The following CD96 variants were observed in gnomAD, a reference collection of about 807,000 sequenced individuals.
CD96 encodes the protein T-cell surface protein tactile.
CD96 carries 70 observed loss-of-function variants against 71.3 expected under a neutral mutation model. The observed-to-expected ratio is 0.98, with a 90% CI of 0.81 to 1.20. The LOEUF (loss-of-function observed/expected upper bound fraction) is 1.20. CD96 is among the 50% of genes most tolerant of loss of function. CD96 has a pLI of 0.00. For synonymous variants in CD96, 248 were observed against 233.0 expected (o/e 1.06, Z -0.59); for missense variants, 742 against 677.5 (o/e 1.10, Z -1.06).
At chr3:111,593,793 C>G in intron 5 of CD96, 1 of 1,614,246 alleles carries the variant, frequency 6.2e-7, no homozygotes, top group Non-Finnish European at 8.5e-7. Flanking sequence ...CCCCAGTTAC[C>G]CTCAATGCCT....
chr3:111,625,811 A>C (rs953236464), intron 10 of CD96, among the ~76,000 whole-genome samples: 2 of 152,220 alleles, frequency 1.3e-5, no homozygotes, highest in African/African-American at 4.8e-5. Flanking sequence ...AAGTAAAACA[A>C]AAAGCAAGCT....
At chr3:111,577,968 G>T (rs908707764) in intron 3 of CD96, among the ~76,000 whole-genome samples, 4 of 152,192 alleles carry the variant, frequency 2.6e-5, no homozygotes, top group African/African-American at 7.2e-5. Context: ...GCCAGTAGAT[G>T]TCAGCCCTGG....
At chr3:111,607,662 A>ATGAACAATTCCT (rs1329099843) in intron 8 of CD96, among the ~76,000 whole-genome samples, 1 of 152,236 alleles carries the variant, frequency 6.6e-6, no homozygotes, top group Admixed American at 6.5e-5. Context: ...GTCAGTAGGA[A>ATGAACAATTCCT]TGAACAATTC....
rs145332036 is a variant in CD96, at chr3:111,593,565, G to A, written c.808-4555G>A. 14 of 1,530,498 alleles carry A rather than the reference G, an allele frequency of 9.1e-6. No homozygotes were observed. In the African/African-American group the frequency reaches 1.7e-4, roughly 18 times the overall value. The allele number at this position is 1,530,498 out of a possible 1,614,324, so 94.8% of individuals were successfully genotyped here. A position where few individuals can be genotyped will look rare whatever the true frequency, so the allele number is the denominator to read the frequency against. ...CCAATTTAAACAAAATGGAAGGGATGTACTGCTGCAGGCAGCTCTTTCTCC... is the reference window on the plus strand; with the variant it reads ...CCAATTTAAACAAAATGGAAGGGATATACTGCTGCAGGCAGCTCTTTCTCC... On this transcript the variant is annotated intron_variant, in intron 5 of 13. Transcript: ENST00000352690.
intron 6 of CD96, among the ~76,000 whole-genome samples, chr3:111,598,523 A>G (rs1004178751): frequency 6.6e-6 from 1 of 152,246 alleles, no homozygotes; most frequent in African/African-American, 2.4e-5. Context: ...TATATTTATT[A>G]AAACTTTTTC....
chr3:111,553,960 T>G (rs1934857311), intron 2 of CD96, among the ~76,000 whole-genome samples: 1 of 151,990 alleles, frequency 6.6e-6, no homozygotes, highest in Non-Finnish European at 1.5e-5. Flanking sequence ...TGCAGCATGT[T>G]TCTTATTTTT....
At chr3:111,544,918 T>C (rs1934308341) in intron 1 of CD96, 128 bp from the exon 2 acceptor site, 2 of 784,450 alleles carry the variant, frequency 2.5e-6, no homozygotes, top group Non-Finnish European at 4.5e-6. Flanking sequence ...CTCTACTCTA[T>C]TCCTAAAGCA....
intron 9 of CD96, 136 bp downstream of exon 9, chr3:111,623,958 G>A (rs539463107): frequency 1.4e-6 from 1 of 726,704 alleles, no homozygotes; most frequent in Admixed American, 2.0e-5. Context: ...CTTGGTTTTG[G>A]GTTACTCTGC....
At chr3:111,572,472 C>A (rs990216708) in intron 3 of CD96, among the ~76,000 whole-genome samples, 1 of 152,208 alleles carries the variant, frequency 6.6e-6, no homozygotes, top group Non-Finnish European at 1.5e-5. Flanking sequence ...GCAAAGGACA[C>A]AAATATTCCA....
In CD96 at chr3:111,545,112, T is replaced by C. The variant is rs1459239380; in HGVS notation, c.128T>C (p.Leu43Pro). 1 of 1,614,216 alleles carries C rather than the reference T, an allele frequency of 6.2e-7. No homozygotes were observed. Among genetic ancestry groups the C allele is most frequent in the Non-Finnish European group, 8.5e-7 (1 of 1,180,034 alleles). Residue 43 changes from leucine to proline, a missense_variant, in exon 2 of 14, where the codon CTG becomes CCG. Leu to Pro is a moderately conservative substitution (Grantham distance 98). Transcript: ENST00000352690. ...GCTACACTTGGCTCTGATGTCAACCTGACCTGCCAAACACAGACAGTAGGC... is the reference window on the plus strand; with the variant it reads ...GCTACACTTGGCTCTGATGTCAACCCGACCTGCCAAACACAGACAGTAGGC... ...VYATLGSDVN[L>P]TCQTQTVGFF...
At chr3:111,608,001 A>G (rs565643744) in intron 8 of CD96, among the ~76,000 whole-genome samples, 1 of 152,324 alleles carries the variant, frequency 6.6e-6, no homozygotes, top group African/African-American at 2.4e-5. Context: ...CCCAAATTTT[A>G]GCAAAACATA....
At chr3:111,631,238 C>G (rs1939046160) in intron 10 of CD96, among the ~76,000 whole-genome samples, 1 of 152,134 alleles carries the variant, frequency 6.6e-6, no homozygotes, top group South Asian at 2.1e-4. Context: ...GATTCTATAT[C>G]TAGAAAATCA....
At chr3:111,557,658 C>T (rs1935140265) in intron 2 of CD96, among the ~76,000 whole-genome samples, 1 of 134,168 alleles carries the variant, frequency 7.5e-6, no homozygotes, top group Non-Finnish European at 1.6e-5. Flanking sequence ...CAGCTTTGTT[C>T]TTTTGGCTTA....
chr3:111,603,050 T>C (rs1273539402), intron 7 of CD96, among the ~76,000 whole-genome samples: 1 of 152,074 alleles, frequency 6.6e-6, no homozygotes, highest in Non-Finnish European at 1.5e-5. Flanking sequence ...GGATTAGGGT[T>C]AGGGTGATCA....
intron 14 of CD96, among the ~76,000 whole-genome samples, chr3:111,658,063 C>T (rs1266947803): frequency 2.0e-5 from 3 of 152,164 alleles, no homozygotes; most frequent in Non-Finnish European, 4.4e-5. Context: ...AGTATAATTT[C>T]CTGCTGAAAG....
intron 10 of CD96, 72 bp from the exon 11 acceptor site, chr3:111,637,124 A>T: frequency 1.2e-6 from 1 of 814,968 alleles, no homozygotes. Flanking sequence ...TAATTATTAG[A>T]TTAAATTAGC....
At chr3:111,548,127 C>G (rs1232996186) in intron 2 of CD96, among the ~76,000 whole-genome samples, 2 of 152,184 alleles carry the variant, frequency 1.3e-5, no homozygotes, top group Admixed American at 6.6e-5. Flanking sequence ...AGTGCAAACA[C>G]TTATATAGTA....
intron 8 of CD96, among the ~76,000 whole-genome samples, chr3:111,622,522 T>C (rs1230598834): frequency 1.3e-5 from 2 of 152,244 alleles, no homozygotes; most frequent in African/African-American, 2.4e-5. Context: ...GGATGTGAAC[T>C]ACTTATAAAT....
rs1936354932 is a variant in CD96, at chr3:111,579,175, G to A, written c.692G>A (p.Cys231Tyr). Residue 231 changes from cysteine to tyrosine, a missense_variant, in exon 4 of 14, where the codon TGC becomes TAC. Coordinates refer to ENST00000352690, the MANE Select transcript of CD96 (RefSeq NM_005816.5). ...TTCGATGATGGGCGGAAGTTCTCTT[G>A]CCACATTAGAGTCGGTCCTAACAAA... The part of the protein sequence containing the change: ...QIFDDGRKFS[C>Y]HIRVGPNKIL... The A allele has an allele frequency of 1.9e-6, 3 of 1,611,854 alleles. No homozygotes were observed. Among genetic ancestry groups the A allele is most frequent in the Non-Finnish European group, 2.5e-6 (3 of 1,177,872 alleles).
Sources: allele counts gnomAD v4.1 joint callset (sites outside exome capture counted in the v4.1 genomes callset), GRCh38; gene constraint gnomAD v4.1.1; transcripts MANE v1.5; gene names NCBI Gene and HGNC (gene_info 2026-07-23, HGNC 2026-07-21).